ZMAT4: variants seen among roughly 807,000 people sequenced by gnomAD.
ZMAT4 encodes the protein zinc finger matrin-type protein 4.
ZMAT4 carries 17 observed loss-of-function variants against 28.7 expected under a neutral mutation model. The observed-to-expected ratio is 0.59, with a 90% CI of 0.41 to 0.89. ZMAT4 has a LOEUF of 0.89. Among genes scored for constraint, ZMAT4 ranks in the 40% least tolerant of loss-of-function variants. ZMAT4 has a pLI of 0.00. For synonymous variants in ZMAT4, 117 were observed against 109.2 expected (o/e 1.07, Z -0.44); for missense variants, 240 against 283.8 (o/e 0.85, Z 1.11).
chr8:40,811,296 C>T (rs950012628), intron 2 of ZMAT4, among the ~76,000 whole-genome samples: 2 of 152,178 alleles, frequency 1.3e-5, no homozygotes, highest in Non-Finnish European at 2.9e-5. Flanking sequence ...ACGAGTGGAT[C>T]TTCACAACTG....
chr8:40,844,140 T>C (rs1019727894), intron 1 of ZMAT4, among the ~76,000 whole-genome samples: 2 of 152,184 alleles, frequency 1.3e-5, no homozygotes, highest in African/African-American at 4.8e-5. Context: ...GAATATTGTT[T>C]TTTTCTAAAG....
intron 4 of ZMAT4, among the ~76,000 whole-genome samples, chr8:40,695,103 G>A (rs1585891461): frequency 6.6e-6 from 1 of 152,160 alleles, no homozygotes; most frequent in Non-Finnish European, 1.5e-5. Flanking sequence ...CCCTTACTTT[G>A]TTGAAGTAAC....
At chr8:40,810,299 T>C (rs1487839873) in intron 2 of ZMAT4, among the ~76,000 whole-genome samples, 1 of 152,062 alleles carries the variant, frequency 6.6e-6, no homozygotes, top group African/African-American at 2.4e-5. Flanking sequence ...AACTCTACAA[T>C]AAAAGAAGAT....
intron 5 of ZMAT4, among the ~76,000 whole-genome samples, chr8:40,589,781 T>G (rs990167900): frequency 1.4e-5 from 2 of 141,972 alleles, no homozygotes; most frequent in African/African-American, 5.0e-5. Flanking sequence ...TTTCTTTCCT[T>G]TCTTTCTTTT....
At chr8:40,665,314 C>T (rs1808364984) in intron 5 of ZMAT4, among the ~76,000 whole-genome samples, 1 of 152,184 alleles carries the variant, frequency 6.6e-6, no homozygotes, top group Non-Finnish European at 1.5e-5. Context: ...CTCTGTCGCA[C>T]ATACTACTTT....
At chr8:40,770,549 A>ATTTTT (rs60467361) in intron 2 of ZMAT4, among the ~76,000 whole-genome samples, 8 of 117,744 alleles carry the variant, frequency 6.8e-5, no homozygotes, top group African/African-American at 9.8e-5. Flanking sequence ...TTTCTCTCTC[A>ATTTTT]TTTTTTTTTT....
intron 3 of ZMAT4, among the ~76,000 whole-genome samples, chr8:40,721,849 G>A (rs1189089955): frequency 6.6e-6 from 1 of 151,666 alleles, no homozygotes; most frequent in East Asian, 1.9e-4. Context: ...TTGTAAATTT[G>A]TTTGAGTTCA....
intron 6 of ZMAT4, among the ~76,000 whole-genome samples, chr8:40,556,601 A>T (rs1357387360): frequency 1.3e-5 from 2 of 152,122 alleles, no homozygotes; most frequent in South Asian, 2.1e-4. Context: ...TAGTTTCTTA[A>T]ATGTTATTTC....
intron 6 of ZMAT4, among the ~76,000 whole-genome samples, chr8:40,546,960 C>T (rs111540986): frequency 2.6e-5 from 4 of 152,158 alleles, no homozygotes; most frequent in South Asian, 4.1e-4. Context: ...CACACACTCA[C>T]GCACACACAC....
intron 5 of ZMAT4, among the ~76,000 whole-genome samples, chr8:40,639,400 G>A (rs372214266): frequency 2.0e-5 from 3 of 152,030 alleles, no homozygotes; most frequent in African/African-American, 7.2e-5. Context: ...CCAACATCGG[G>A]ATCTCCAGCT....
At chr8:40,684,768 A>C (rs1166569779) in intron 4 of ZMAT4, among the ~76,000 whole-genome samples, 1 of 152,192 alleles carries the variant, frequency 6.6e-6, no homozygotes, top group African/African-American at 2.4e-5. Flanking sequence ...AAGAGAGGCA[A>C]AGAGGGTGGC....
chr8:40,661,275 T>G (rs1406925015), intron 5 of ZMAT4, among the ~76,000 whole-genome samples: 2 of 152,186 alleles, frequency 1.3e-5, no homozygotes, highest in African/African-American at 4.8e-5. Context: ...AATTTTTGTA[T>G]TTTTTGTAGA....
chr8:40,836,910 C>G (rs1816513584), intron 1 of ZMAT4, among the ~76,000 whole-genome samples: 1 of 151,828 alleles, frequency 6.6e-6, no homozygotes, highest in African/African-American at 2.4e-5. Flanking sequence ...TGATGATGAT[C>G]GGTAGATAAA....
chr8:40,770,956 T>C (rs1377491921), intron 2 of ZMAT4, among the ~76,000 whole-genome samples: 1 of 152,086 alleles, frequency 6.6e-6, no homozygotes, highest in Non-Finnish European at 1.5e-5. Flanking sequence ...TTCAATTTAT[T>C]CTAAAAAACA....
chr8:40,541,070 G>T (rs1368342055), intron 6 of ZMAT4, among the ~76,000 whole-genome samples: 1 of 152,130 alleles, frequency 6.6e-6, no homozygotes, highest in Non-Finnish European at 1.5e-5. Flanking sequence ...ATAACACACA[G>T]ACCTCACAGG....
At chr8:40,858,484 AATAAGCAAGT>A (rs1817376345) in intron 1 of ZMAT4, among the ~76,000 whole-genome samples, 1 of 152,200 alleles carries the variant, frequency 6.6e-6, no homozygotes, top group Non-Finnish European at 1.5e-5. Flanking sequence ...TGACAGGTTT[AATAAGCAAGT>A]ATATGGATGC....
At chr8:40,740,662 T>C (rs1811962308) in intron 3 of ZMAT4, among the ~76,000 whole-genome samples, 1 of 152,182 alleles carries the variant, frequency 6.6e-6, no homozygotes, top group Non-Finnish European at 1.5e-5. Flanking sequence ...TTTCAAGAGA[T>C]TGGTGCATAT....
intron 6 of ZMAT4, among the ~76,000 whole-genome samples, chr8:40,573,201 A>T (rs57043464): frequency 8.9e-4 from 136 of 152,210 alleles, no homozygotes; most frequent in African/African-American, 3.1e-3. Context: ...GCTTAGTAAA[A>T]TGTGTCTAAA....
intron 3 of ZMAT4, among the ~76,000 whole-genome samples, chr8:40,727,108 G>T (rs1220476041): frequency 6.6e-6 from 1 of 152,218 alleles, no homozygotes. Flanking sequence ...AGGGAATTTA[G>T]CTCTGGAGTC....
Sources: allele counts gnomAD v4.1 joint callset (sites outside exome capture counted in the v4.1 genomes callset), GRCh38; gene constraint gnomAD v4.1.1; transcripts MANE v1.5; gene names NCBI Gene and HGNC (gene_info 2026-07-23, HGNC 2026-07-21).